KY: variants seen among roughly 807,000 people sequenced by gnomAD.
KY encodes kyphoscoliosis peptidase.
Under a neutral mutation model 76.1 loss-of-function variants are expected in KY, and 43 were observed. The observed-to-expected ratio is 0.57, with a 90% CI of 0.44 to 0.73. The LOEUF (loss-of-function observed/expected upper bound fraction) is 0.73. Ranked by LOEUF, KY falls within the 30% of genes least tolerant of loss-of-function variation. The pLI is 0.00. For synonymous variants in KY, 277 were observed against 326.2 expected (o/e 0.85, Z 1.63); for missense variants, 722 against 828.9 (o/e 0.87, Z 1.58).
At chr3:134,630,238 C>T (rs1031128147) in intron 3 of KY, among the ~76,000 whole-genome samples, 1 of 152,208 alleles carries the variant, frequency 6.6e-6, no homozygotes, top group African/African-American at 2.4e-5. Flanking sequence ...TTTTCCCCCA[C>T]TTTATTCTGT....
At chr3:134,620,341 C>T (rs1962389541) in intron 7 of KY, among the ~76,000 whole-genome samples, 1 of 152,172 alleles carries the variant, frequency 6.6e-6, no homozygotes, top group South Asian at 2.1e-4. Flanking sequence ...ATTTAATGAA[C>T]CCTCTGGTAT....
At chr3:134,642,516 T>C (rs1268004930) in intron 3 of KY, among the ~76,000 whole-genome samples, 1 of 129,848 alleles carries the variant, frequency 7.7e-6, no homozygotes, top group Non-Finnish European at 1.7e-5. Flanking sequence ...TCTTGTCGTG[T>C]GCTCAGATCC....
At chr3:134,645,241 C>T (rs904773297) in intron 2 of KY, among the ~76,000 whole-genome samples, 8 of 152,284 alleles carry the variant, frequency 5.3e-5, no homozygotes, top group Non-Finnish European at 8.8e-5. Flanking sequence ...GGTGAGGAGG[C>T]GGCTGGGCCC....
At chr3:134,646,114 T>C (rs181235271) in intron 2 of KY, among the ~76,000 whole-genome samples, 267 of 152,350 alleles carry the variant, frequency 1.8e-3, no homozygotes, top group African/African-American at 6.1e-3. Context: ...ATACCTTCCA[T>C]GCCCTGCATG....
chr3:134,612,041 G>T (rs1435272575), intron 8 of KY, among the ~76,000 whole-genome samples: 1 of 152,202 alleles, frequency 6.6e-6, no homozygotes, highest in Non-Finnish European at 1.5e-5. Flanking sequence ...TGCATGCAAT[G>T]ATGAGGTGTT....
chr3:134,605,323 C>T (rs1204013484), intron 10 of KY, among the ~76,000 whole-genome samples: 1 of 152,184 alleles, frequency 6.6e-6, no homozygotes, highest in Non-Finnish European at 1.5e-5. Context: ...TGGTCATCTG[C>T]TCCCAGCCCC....
chr3:134,636,531 GAGCACAGCAT>G (rs1275520385), intron 3 of KY, among the ~76,000 whole-genome samples: 6 of 152,216 alleles, frequency 3.9e-5, no homozygotes, highest in Non-Finnish European at 7.3e-5. Context: ...AGCCCACATG[GAGCACAGCAT>G]AGCCTCTCAG....
At chr3:134,625,689 C>T (rs191090977) in intron 5 of KY, among the ~76,000 whole-genome samples, 1 of 152,358 alleles carries the variant, frequency 6.6e-6, no homozygotes, top group East Asian at 1.9e-4. Context: ...GTGCGTTTGG[C>T]ACCCAGACAG....
intron 10 of KY, among the ~76,000 whole-genome samples, chr3:134,604,975 C>T (rs1257137610): frequency 6.6e-6 from 1 of 152,186 alleles, no homozygotes; most frequent in Non-Finnish European, 1.5e-5. Context: ...TGAGACTGTG[C>T]ATAGGAGGTT....
chr3:134,644,431 G>C (rs955203589), intron 2 of KY, among the ~76,000 whole-genome samples: 1 of 152,182 alleles, frequency 6.6e-6, no homozygotes, highest in Admixed American at 6.5e-5. Flanking sequence ...TACAGCTGCT[G>C]CTGTGGCCTG....
chr3:134,608,898 T>C (rs934593461), intron 9 of KY, 59 bp from the exon 10 acceptor site: 1 of 1,547,552 alleles, frequency 6.5e-7, no homozygotes, highest in African/African-American at 1.4e-5. Context: ...AGGGGCCCAA[T>C]ACACCCACCG....
chr3:134,646,290 C>A (rs1966430601), intron 2 of KY, among the ~76,000 whole-genome samples: 1 of 152,166 alleles, frequency 6.6e-6, no homozygotes, highest in South Asian at 2.1e-4. Flanking sequence ...GCCATTGCAC[C>A]CATGCATGCC....
At chr3:134,622,215 G>T (rs1367911328) in intron 6 of KY, among the ~76,000 whole-genome samples, 2 of 152,110 alleles carry the variant, frequency 1.3e-5, no homozygotes, top group Non-Finnish European at 2.9e-5. Flanking sequence ...TCCAAGGTAC[G>T]CAACCAAAAA....
rs774487339 is a variant in KY at position 134,603,500 on chromosome 3, G to A, written c.*79C>T. ...TCATGCAGACTCAGTGGTGTCCAGG[G>A]CTCCCTGCACTTCCTTCGAGCCCTC... On this transcript the variant is annotated 3_prime_UTR_variant, in exon 11 of 11. Coordinates refer to ENST00000423778, the MANE Select transcript of KY (RefSeq NM_178554.6). 10 of 1,308,790 alleles carry A rather than the reference G, an allele frequency of 7.6e-6. No homozygotes were observed. The highest frequency in any genetic ancestry group is 9.5e-6 in the Non-Finnish European group (9 of 949,810). 81.1% of individuals were successfully genotyped at this position (1,308,790 alleles called of 1,614,324 possible). A position where few individuals can be genotyped will look rare whatever the true frequency, so the allele number is the denominator to read the frequency against.
At chr3:134,626,532 C>T (rs190141332) in intron 5 of KY, among the ~76,000 whole-genome samples, 3 of 152,294 alleles carry the variant, frequency 2.0e-5, no homozygotes, top group Admixed American at 2.0e-4. Flanking sequence ...ATGTGGCCTC[C>T]CTGCCTGGTG....
At chr3:134,627,671 GAAGC>G in intron 5 of KY, 81 bp downstream of exon 5, 1 of 1,245,292 alleles carries the variant, frequency 8.0e-7, no homozygotes, top group Non-Finnish European at 1.2e-6. Flanking sequence ...AGTGGCCCAG[GAAGC>G]AACTGTCAAT....
chr3:134,606,982 A>G (rs1258392950), intron 10 of KY: 6 of 985,318 alleles, frequency 6.1e-6, no homozygotes, highest in Non-Finnish European at 7.2e-6. Flanking sequence ...ACCACAAAGA[A>G]ATACTCTGTA....
rs1460011237 is a variant in KY at position 134,603,616 on chromosome 3, T to C, written c.1949A>G (p.Tyr650Cys). The stretch of plus-strand genomic sequence containing the variant: ...CACTTTGTATTTCAGGATGTAGGAG[T>C]AGAAATTGTGGTTGGCATTCTCCAG... Reference protein sequence around the residue: ...MVLENANHNFYSYILKYKVNA... With the variant: ...MVLENANHNFCSYILKYKVNA... The change falls in exon 11 of 11, where the codon TAC becomes TGC. Residue 650 changes from tyrosine to cysteine, a missense_variant. Around this residue, in one of 2 missense-constraint regions of KY, gnomAD observed 552 missense variants for 680.9 expected, o/e 0.81. Transcript: ENST00000423778. The C allele has an allele frequency of 1.9e-6, 3 of 1,597,230 alleles. No individual in the cohort carries two copies. The highest frequency in any genetic ancestry group is 1.3e-5 in the African/African-American group (1 of 74,486).
chr3:134,624,938 C>T (rs1222461987), intron 6 of KY, 115 bp downstream of exon 6: 3 of 907,070 alleles, frequency 3.3e-6, no homozygotes, highest in Non-Finnish European at 3.5e-6. Context: ...ATTCCAGGGC[C>T]ATCCAACCAA....
Sources: allele counts gnomAD v4.1 joint callset (sites outside exome capture counted in the v4.1 genomes callset), GRCh38; gene constraint gnomAD v4.1.1; regional missense constraint gnomAD v4.1.1; transcripts MANE v1.5; gene names NCBI Gene and HGNC (gene_info 2026-07-23, HGNC 2026-07-21).